Variants in CAST observed in about 807,000 individuals in gnomAD.
CAST encodes MIR583 host.
CAST carries 76 observed loss-of-function variants against 119.6 expected under a neutral mutation model. That is an observed-to-expected ratio of 0.64 (90% confidence interval 0.53 to 0.77). CAST has a LOEUF of 0.77. Ranked by LOEUF, CAST falls within the 30% of genes least tolerant of loss-of-function variation. The pLI is 0.00. For synonymous variants in CAST, 319 were observed against 331.6 expected, an observed-to-expected ratio of 0.96 and a Z score of 0.41; for missense variants, 953 against 946.5, an observed-to-expected ratio of 1.01 and a Z score of -0.09.
the CAST span, among the ~76,000 whole-genome samples, chr5:96,087,512 G>A: frequency 6.6e-6 from 1 of 152,186 alleles, no homozygotes; most frequent in Non-Finnish European, 1.5e-5. Flanking sequence ...TCAGTGGAAT[G>A]GAGGGAGACA....
At chr5:96,026,641 G>T in the CAST span, among the ~76,000 whole-genome samples, 1 of 152,104 alleles carries the variant, frequency 6.6e-6, no homozygotes, top group Non-Finnish European at 1.5e-5. Flanking sequence ...AATGCTTCAG[G>T]GTCCAGGGAG....
upstream of CAST, among the ~76,000 whole-genome samples, chr5:96,521,841 G>A (rs1403173441): frequency 4.6e-5 from 7 of 152,124 alleles, no homozygotes; most frequent in Non-Finnish European, 1.0e-4. Context: ...TGACTAGGCC[G>A]GGTGCGGTGG....
intron 1 of CAST, among the ~76,000 whole-genome samples, chr5:96,627,558 C>T (rs1004583639): frequency 6.6e-6 from 1 of 152,112 alleles, no homozygotes; most frequent in African/African-American, 2.4e-5. Flanking sequence ...TTGGGATCCA[C>T]CTTGTGAAAA....
At chr5:96,457,178 T>A in the CAST span, among the ~76,000 whole-genome samples, 1 of 152,100 alleles carries the variant, frequency 6.6e-6, no homozygotes, top group African/African-American at 2.4e-5. Flanking sequence ...TCACACCAAA[T>A]CAATCCTCAC....
At chr5:96,107,205 A>G in the CAST span, among the ~76,000 whole-genome samples, 1 of 151,978 alleles carries the variant, frequency 6.6e-6, no homozygotes, top group African/African-American at 2.4e-5. Context: ...TTTTAATTGG[A>G]GCATTTTGTC....
At chr5:96,493,399 G>T in the CAST span, among the ~76,000 whole-genome samples, 1 of 152,162 alleles carries the variant, frequency 6.6e-6, no homozygotes, top group African/African-American at 2.4e-5. Context: ...TAGTCCTACC[G>T]CCATCTTGCC....
the CAST span, among the ~76,000 whole-genome samples, chr5:96,067,164 G>C: frequency 1.3e-5 from 2 of 152,082 alleles, no homozygotes; most frequent in African/African-American, 4.8e-5. Flanking sequence ...TTTGTTTAAA[G>C]TTAATGCCAT....
chr5:96,630,765 G>A (rs1747805648), intron 1 of CAST, among the ~76,000 whole-genome samples: 3 of 152,008 alleles, frequency 2.0e-5, no homozygotes, highest in Admixed American at 2.0e-4. Context: ...CAGCCTGGGG[G>A]ACAGAGCAAG....
chr5:96,490,679 T>A, the CAST span, among the ~76,000 whole-genome samples: 10 of 151,986 alleles, frequency 6.6e-5, no homozygotes, highest in African/African-American at 2.4e-4. Context: ...TTATGTTAAA[T>A]TAATTGCATA....
the CAST span, among the ~76,000 whole-genome samples, chr5:96,140,541 A>C: frequency 6.6e-6 from 1 of 152,230 alleles, no homozygotes; most frequent in Non-Finnish European, 1.5e-5. Flanking sequence ...TTTTAGAGTT[A>C]GATAAATGCT....
intron 1 of CAST, among the ~76,000 whole-genome samples, chr5:96,583,468 T>A (rs1423696635): frequency 6.6e-6 from 1 of 152,182 alleles, no homozygotes; most frequent in Non-Finnish European, 1.5e-5. Flanking sequence ...AGATCCACTA[T>A]CTTTAAAGTA....
the CAST span, among the ~76,000 whole-genome samples, chr5:95,984,816 A>G: frequency 6.6e-6 from 1 of 152,202 alleles, no homozygotes; most frequent in Non-Finnish European, 1.5e-5. Flanking sequence ...TGTGTCAAAT[A>G]TAAATCAGAC....
the CAST span, among the ~76,000 whole-genome samples, chr5:96,298,089 T>C: frequency 1.3e-5 from 2 of 152,198 alleles, no homozygotes; most frequent in African/African-American, 2.4e-5. Flanking sequence ...TGCTAAACTT[T>C]AAACATGTGC....
At chr5:96,245,427 C>G in the CAST span, among the ~76,000 whole-genome samples, 6 of 152,192 alleles carry the variant, frequency 3.9e-5, no homozygotes, top group African/African-American at 1.4e-4. Context: ...TAACAGGGAT[C>G]TCATAGGAGT....
chr5:96,484,393 C>A, the CAST span, among the ~76,000 whole-genome samples: 1 of 152,144 alleles, frequency 6.6e-6, no homozygotes, highest in African/African-American at 2.4e-5. Flanking sequence ...CTATACTTTG[C>A]CCTTCTACAT....
At chr5:96,718,208 A>G (rs544922416) in intron 3 of CAST, among the ~76,000 whole-genome samples, 5 of 152,214 alleles carry the variant, frequency 3.3e-5, no homozygotes, top group African/African-American at 4.8e-5. Context: ...ATTTCAGCCT[A>G]TATCTATCTT....
At chr5:96,713,927 G>T (rs1581087529) in intron 3 of CAST, among the ~76,000 whole-genome samples, 1 of 151,984 alleles carries the variant, frequency 6.6e-6, no homozygotes, top group Non-Finnish European at 1.5e-5. Flanking sequence ...GTGAGCCAAG[G>T]TCATGCTACT....
Position 96,577,603 on chromosome 5 carries a change from A to G in CAST, c.60+47723A>G, listed in dbSNP as rs568657954. On this transcript the variant is annotated intron_variant, in intron 1 of 11. Transcript: ENST00000505143. ...TATTTTCATTTTCATTCAGTTCTGT[A>G]TATTTTTAATTTCCTTTGAGACTCC... is the stretch of plus-strand genomic sequence containing the variant. Among the ~76,000 whole-genome samples the G allele has an allele frequency of 3.3e-5, 5 of 152,208 alleles. No individual in the cohort carries two copies. The South Asian group carries it at 6.2e-4, about 19-fold the overall frequency.
the CAST span, among the ~76,000 whole-genome samples, chr5:96,361,809 C>CTTTT: frequency 3.6e-4 from 25 of 68,616 alleles, no homozygotes; most frequent in African/African-American, 1.6e-3. Context: ...CTCTAGTATG[C>CTTTT]TTTTTTTTTT....
Sources: gnomAD v4.1 joint callset for allele counts (sites outside exome capture counted in the v4.1 genomes callset) on GRCh38, gnomAD v4.1.1 for gene constraint, MANE v1.5 for transcripts, NCBI Gene and HGNC (gene_info 2026-07-23, HGNC 2026-07-21) for gene names.